TTC34: variants seen among roughly 807,000 people sequenced by gnomAD.
The protein encoded by TTC34 is tetratricopeptide repeat protein 34.
TTC34 carries 44 observed loss-of-function variants against 40.7 expected under a neutral mutation model. The observed-to-expected ratio is 1.08, with a 90% confidence interval of 0.85 to 1.39. The LOEUF is 1.39. Among genes scored for constraint, TTC34 ranks in the 40% most tolerant of loss-of-function variants. TTC34 has a pLI of 0.00. For synonymous variants in TTC34, 422 were observed against 398.6 expected, an observed-to-expected ratio of 1.06 and a Z score of -0.70; for missense variants, 884 against 838.0, an observed-to-expected ratio of 1.05 and a Z score of -0.68.
At chr1:2,676,917 A>T (rs898461309) in intron 6 of TTC34, among the ~76,000 whole-genome samples, 1 of 129,892 alleles carries the variant, frequency 7.7e-6, no homozygotes, top group African/African-American at 2.8e-5. Context: ...AGCCTGGAGC[A>T]GCACCCACAC....
intron 6 of TTC34, among the ~76,000 whole-genome samples, chr1:2,686,913 A>C (rs1640385775): frequency 7.3e-4 from 108 of 146,998 alleles, no homozygotes; most frequent in Non-Finnish European, 1.6e-4. Context: ...AGCCTGGAAC[A>C]GCACCCACAC....
At chr1:2,654,914 C>T (rs78070334) in intron 6 of TTC34, among the ~76,000 whole-genome samples, 890 of 44,690 alleles carry the variant, frequency 0.02, no homozygotes, top group African/African-American at 0.03. Context: ...CATCTGACAG[C>T]CTGAAGCAGC....
At chr1:2,749,052 G>C (rs1641234408) in intron 6 of TTC34, among the ~76,000 whole-genome samples, 9 of 140,328 alleles carry the variant, frequency 6.4e-5, no homozygotes, top group South Asian at 2.3e-4. Context: ...CCCCAGGTGA[G>C]AATCCGACAG....
At chr1:2,778,059 G>T (rs1217343973) in intron 6 of TTC34, among the ~76,000 whole-genome samples, 1 of 152,200 alleles carries the variant, frequency 6.6e-6, no homozygotes. Context: ...CCCTCCCTGG[G>T]GCCCAGGCTG....
In TTC34 at chr1:2,789,606, C is replaced by A. The variant is rs955932211; in HGVS notation, c.1525G>T (p.Glu509Ter). ...CGCTGCAGCATCCCACGGGCCTCCT[C>A]CCGCAGCACCACCAGCAGCAGCCCC... Residue 509 changes from glutamate to a stop codon, truncating the protein, a stop_gained, in exon 3 of 9, where the codon GAG (glutamate) becomes TAG (stop). Coordinates refer to ENST00000401095, the Ensembl canonical transcript of TTC34. LOFTEE classifies it high-confidence loss of function. 1 of 1,391,816 alleles carries A rather than the reference C, an allele frequency of 7.2e-7. No individual in the cohort carries two copies. Among genetic ancestry groups the A allele is most frequent in the East Asian group, 3.1e-5 (1 of 32,532 alleles). The allele number at this position is 1,391,816 out of a possible 1,614,324, so 86.2% of individuals were successfully genotyped here.
At chr1:2,698,649 GCCAGGCCAGCATCCGCCAGCCTGGAA>G (rs1640980162) in intron 6 of TTC34, among the ~76,000 whole-genome samples, 6 of 8,224 alleles carry the variant, frequency 7.3e-4, no homozygotes, top group African/African-American at 2.0e-3. Flanking sequence ...CACCCACACC[GCCAGGCCAGCATCCGCCAGCCTGGAA>G]CAGCACCCAC....
intron 6 of TTC34, among the ~76,000 whole-genome samples, chr1:2,682,128 C>CTGAT (rs1640109016): frequency 2.2e-5 from 3 of 135,664 alleles, no homozygotes; most frequent in African/African-American, 2.7e-5. Flanking sequence ...CATCTGACAG[C>CTGAT]CTGGAACAGC....
intron 2 of TTC34, among the ~76,000 whole-genome samples, chr1:2,795,937 C>T (rs1643706866): frequency 6.6e-6 from 1 of 152,212 alleles, no homozygotes; most frequent in South Asian, 2.1e-4. Flanking sequence ...TTTGTTCCCT[C>T]CAAAACTCAT....
exon 2 of TTC34, chr1:2,800,290 G>T: frequency 2.5e-6 from 1 of 398,672 alleles, no homozygotes; most frequent in Non-Finnish European, 4.4e-6. Context: ...TGGGGCCGCT[G>T]GTGGGTGCGA....
At chr1:2,692,585 C>T (rs1362621158) in intron 6 of TTC34, among the ~76,000 whole-genome samples, 3 of 137,830 alleles carry the variant, frequency 2.2e-5, no homozygotes, top group Non-Finnish European at 3.2e-5. Flanking sequence ...GCACCCACAC[C>T]CCCATGTGAG....
chr1:2,671,703 GC>G (rs1639706667), intron 6 of TTC34, among the ~76,000 whole-genome samples: 1 of 61,462 alleles, frequency 1.6e-5, no homozygotes. Flanking sequence ...CTGGAGCAGT[GC>G]CCAAACACCC....
intron 6 of TTC34, among the ~76,000 whole-genome samples, chr1:2,765,704 C>A (rs1389463262): frequency 2.6e-5 from 1 of 38,986 alleles, no homozygotes; most frequent in Non-Finnish European, 4.0e-5. Context: ...CAGCCTGGAG[C>A]AGCATGCACA....
intron 6 of TTC34, among the ~76,000 whole-genome samples, chr1:2,687,172 C>A (rs550435738): frequency 7.7e-6 from 1 of 130,262 alleles, no homozygotes; most frequent in East Asian, 2.3e-4. Context: ...CACACACAGG[C>A]GAGCATCTGA....
intron 6 of TTC34, among the ~76,000 whole-genome samples, chr1:2,655,453 C>A (rs112906391): frequency 5.5e-5 from 5 of 91,276 alleles, no homozygotes; most frequent in African/African-American, 8.3e-5. Flanking sequence ...AGCACCCACA[C>A]CCCCAGGTGA....
intron 6 of TTC34, among the ~76,000 whole-genome samples, chr1:2,772,920 C>G (rs1331089771): frequency 1.5e-4 from 18 of 123,416 alleles, no homozygotes; most frequent in Middle Eastern, 8.6e-3. Flanking sequence ...ATTCGACAGC[C>G]TGGAACAGCA....
At position 2,756,083 on chromosome 1, in the gene TTC34, C is replaced by T. The variant is rs1164304913; in HGVS notation, c.2226+27526G>A. Among the ~76,000 whole-genome samples the T allele has an allele frequency of 4.1e-5, 3 of 72,980 alleles. 1 individual carries two copies. Among genetic ancestry groups the T allele is most frequent in the Non-Finnish European group, 7.0e-5 (3 of 42,800 alleles). 47.9% of individuals were successfully genotyped at this position (72,980 alleles called of 152,430 possible). Reference sequence around the variant, plus strand: ...CCCATACGCCAAGATGAGCATCTGACAGCGTGGAACAGCACCCTGCACCCC... The same window carrying T: ...CCCATACGCCAAGATGAGCATCTGATAGCGTGGAACAGCACCCTGCACCCC... On this transcript the variant is annotated intron_variant, in intron 6 of 8. Transcript: ENST00000401095.
At chr1:2,655,913 C>T (rs1373237652) in intron 6 of TTC34, among the ~76,000 whole-genome samples, 1 of 151,946 alleles carries the variant, frequency 6.6e-6, no homozygotes, top group Non-Finnish European at 1.5e-5. Flanking sequence ...GAGCATCTGA[C>T]AGCGTGGAGC....
chr1:2,685,201 C>G (rs368885289), intron 6 of TTC34, among the ~76,000 whole-genome samples: 2 of 93,072 alleles, frequency 2.1e-5, no homozygotes, highest in Non-Finnish European at 2.4e-5. Flanking sequence ...ACCCACACCC[C>G]CAGGTGAGCA....
chr1:2,651,522 A>C (rs539186328), intron 6 of TTC34, among the ~76,000 whole-genome samples: 70 of 150,744 alleles, frequency 4.6e-4, no homozygotes, highest in African/African-American at 1.7e-3. Context: ...CACCACACTT[A>C]GGTGAGAATC....
Sources: gnomAD v4.1 joint callset for allele counts (sites outside exome capture counted in the v4.1 genomes callset) on GRCh38, gnomAD v4.1.1 for gene constraint, MANE v1.5 for transcripts, NCBI Gene and HGNC (gene_info 2026-07-23, HGNC 2026-07-21) for gene names.